SDHC: variants seen among roughly 807,000 people sequenced by gnomAD.
SDHC encodes succinate dehydrogenase complex subunit C.
In SDHC, 11 loss-of-function variants were observed where a neutral mutation model predicts 22.6. The observed-to-expected ratio is 0.49, with a 90% CI of 0.31 to 0.81. The LOEUF is 0.81. Among genes scored for constraint, SDHC ranks in the 30% least tolerant of loss-of-function variants. The pLI is 0.05. For missense variants in SDHC, 160 were observed against 212.0 expected (o/e 0.75, Z 1.52); for synonymous variants, 80 against 77.8 (o/e 1.03, Z -0.15).
intron 3 of SDHC, chr1:161,339,486 C>A: frequency 3.7e-6 from 3 of 807,898 alleles, no homozygotes; most frequent in Non-Finnish European, 5.3e-6. Flanking sequence ...CCAGCTCCAA[C>A]TTTAATGAGT....
rs1672598078 is a variant in SDHC, at chr1:161,363,168, T to A, written c.*735T>A. 4.3e-6 allele frequency: 1 copy of A among 233,870 alleles called. No individual in the cohort carries two copies. Among genetic ancestry groups the A allele is most frequent in the African/African-American group, 2.2e-5 (1 of 45,452 alleles). 14.5% of individuals were successfully genotyped at this position (233,870 alleles called of 1,614,324 possible). On this transcript the variant is annotated 3_prime_UTR_variant, in exon 6 of 6. Coordinates refer to ENST00000367975, the MANE Select transcript of SDHC (RefSeq NM_003001.5). ...GTAATGTACCCTTTTTTTCTGAAAC[T>A]GAATTAAATACTCATTTTATCTTTG...
intron 1 of SDHC, among the ~76,000 whole-genome samples, chr1:161,321,535 T>G (rs937805065): frequency 1.3e-5 from 2 of 152,178 alleles, no homozygotes; most frequent in African/African-American, 4.8e-5. Flanking sequence ...GAGGAATGCG[T>G]GCCCTGCAAC....
intron 4 of SDHC, among the ~76,000 whole-genome samples, chr1:161,346,915 C>T (rs1671918484): frequency 6.6e-6 from 1 of 151,896 alleles, no homozygotes; most frequent in African/African-American, 2.4e-5. Flanking sequence ...ATACCTAATA[C>T]AATGTAAACG....
chr1:161,340,070 G>A (rs1276746223), intron 3 of SDHC, among the ~76,000 whole-genome samples: 1 of 152,144 alleles, frequency 6.6e-6, no homozygotes, highest in African/African-American at 2.4e-5. Flanking sequence ...GCCGAGGTGG[G>A]CGGATCATGA....
At chr1:161,314,756 T>C (rs1670544012) in intron 1 of SDHC, 1 of 394,192 alleles carries the variant, frequency 2.5e-6, no homozygotes, top group Admixed American at 3.9e-5. Context: ...AACTTCAAGG[T>C]CAGCCACCCA....
chr1:161,345,271 G>A (rs577594312), intron 4 of SDHC, among the ~76,000 whole-genome samples: 30 of 152,226 alleles, frequency 2.0e-4, no homozygotes, highest in African/African-American at 6.5e-4. Context: ...TTGCTGCACT[G>A]TGCTTGGTTA....
chr1:161,323,526 C>A, intron 1 of SDHC, 88 bp from the exon 2 acceptor site: 1 of 964,026 alleles, frequency 1.0e-6, no homozygotes, highest in Admixed American at 1.8e-5. Flanking sequence ...TACTTTTAAT[C>A]TATCCCTTCA....
chr1:161,348,325 A>T (rs577284832), intron 4 of SDHC, among the ~76,000 whole-genome samples: 1 of 151,486 alleles, frequency 6.6e-6, no homozygotes, highest in South Asian at 2.1e-4. Flanking sequence ...TGCCTGGCTA[A>T]TTTTTGTATT....
In SDHC at chr1:161,362,451, C is replaced by T. The variant is rs781148151; in HGVS notation, c.*18C>T. ...CCATGTGAAGAAAGGAGGCTCCCAG[C>T]ATCATCTTCCTACACATTATTACAT... On this transcript the variant is annotated 3_prime_UTR_variant, in exon 6 of 6. Coordinates refer to ENST00000367975, the MANE Select transcript of SDHC (RefSeq NM_003001.5). The T allele has an allele frequency of 3.7e-5, 59 of 1,612,812 alleles. No individual in the cohort carries two copies. The highest frequency in any genetic ancestry group is 4.7e-5 in the Non-Finnish European group (56 of 1,179,404).
At chr1:161,326,952 G>A (rs544515098) in intron 2 of SDHC, among the ~76,000 whole-genome samples, 3 of 151,958 alleles carry the variant, frequency 2.0e-5, no homozygotes, top group Admixed American at 1.3e-4. Flanking sequence ...GATGTAGAGT[G>A]TTGCTCTGTT....
intron 4 of SDHC, among the ~76,000 whole-genome samples, chr1:161,355,453 G>A (rs886315295): frequency 6.6e-6 from 1 of 152,082 alleles, no homozygotes; most frequent in African/African-American, 2.4e-5. Context: ...TAGTAATTTT[G>A]ATGAAATCCA....
Position 161,332,267 on chromosome 1 carries a change from G to C in SDHC, c.179+3770G>C, listed in dbSNP as rs565496737. ...TGGGGTTACAGCTGTAAGCCACCGTGCTCAGCTTGCTTTTTATTTAACAGC... is the reference window on the plus strand; with the variant it reads ...TGGGGTTACAGCTGTAAGCCACCGTCCTCAGCTTGCTTTTTATTTAACAGC... On this transcript the variant is annotated intron_variant, in intron 3 of 5. Transcript: ENST00000367975. Among the ~76,000 whole-genome samples the C allele has an allele frequency of 2.0e-5, 3 of 152,242 alleles. No homozygotes were observed. The South Asian group carries it at 6.2e-4, about 32-fold the overall frequency.
At chr1:161,346,625 G>A (rs61326870) in intron 4 of SDHC, among the ~76,000 whole-genome samples, 4,840 of 151,900 alleles carry the variant, frequency 0.032, 177 homozygotes, top group East Asian at 0.17. Flanking sequence ...CTCGAACTCC[G>A]GACCTCAGGT....
chr1:161,338,074 C>T (rs1316470047), intron 3 of SDHC, among the ~76,000 whole-genome samples: 1 of 152,172 alleles, frequency 6.6e-6, no homozygotes, highest in Admixed American at 6.6e-5. Context: ...AGCCTCAGCT[C>T]CTTCTGGGTT....
chr1:161,342,219 C>T (rs191981146), intron 4 of SDHC, among the ~76,000 whole-genome samples: 7 of 152,312 alleles, frequency 4.6e-5, no homozygotes, highest in Admixed American at 3.9e-4. Flanking sequence ...TGAGTTTGCT[C>T]TCTATTAGTC....
intron 4 of SDHC, among the ~76,000 whole-genome samples, chr1:161,351,258 C>A (rs2102358725): frequency 6.6e-6 from 1 of 152,278 alleles, no homozygotes; most frequent in Non-Finnish European, 1.5e-5. Context: ...GTTTTGCCAT[C>A]TATCTTCTAT....
At chr1:161,345,072 A>G (rs1671846247) in intron 4 of SDHC, among the ~76,000 whole-genome samples, 1 of 152,236 alleles carries the variant, frequency 6.6e-6, no homozygotes, top group Non-Finnish European at 1.5e-5. Flanking sequence ...CACTTAGATT[A>G]AAATTCAAAT....
intron 4 of SDHC, among the ~76,000 whole-genome samples, chr1:161,349,049 C>A (rs1672008878): frequency 6.6e-6 from 1 of 152,042 alleles, no homozygotes; most frequent in Non-Finnish European, 1.5e-5. Flanking sequence ...AATAAAGATA[C>A]TAAACAACAG....
At chr1:161,352,021 C>T (rs1159025196) in intron 4 of SDHC, among the ~76,000 whole-genome samples, 1 of 152,126 alleles carries the variant, frequency 6.6e-6, no homozygotes, top group Admixed American at 6.6e-5. Context: ...CTGGTCTTGG[C>T]AGTCAAGAAA....
Sources: allele counts gnomAD v4.1 joint callset (sites outside exome capture counted in the v4.1 genomes callset), GRCh38; gene constraint gnomAD v4.1.1; transcripts MANE v1.5; gene names NCBI Gene and HGNC (gene_info 2026-07-23, HGNC 2026-07-21).